Variants in LOC131768270 observed in about 807,000 individuals in gnomAD.
At chr5:140,568,325 T>G in the LOC131768270 span, 1 of 928,644 alleles carries the variant, frequency 1.1e-6, no homozygotes, top group Non-Finnish European at 1.6e-6. Context: ...GGGGTACCCC[T>G]AGGAGATGTG....
the LOC131768270 span, chr5:140,567,233 A>G: frequency 6.2e-7 from 1 of 1,614,162 alleles, no homozygotes; most frequent in Non-Finnish European, 8.5e-7. Flanking sequence ...CTGGACCCTG[A>G]TGCTACTCCT....
chr5:140,565,680 C>G, the LOC131768270 span: 1 of 374,656 alleles, frequency 2.7e-6, no homozygotes, highest in East Asian at 3.8e-5. Context: ...ATCTGTCAGT[C>G]CCTTCCTGGC....
chr5:140,565,695 A>G, the LOC131768270 span: 6 of 382,546 alleles, frequency 1.6e-5, no homozygotes, highest in Non-Finnish European at 4.6e-6. Flanking sequence ...CCTGGCCCTC[A>G]TTTGAATTCT....
At chr5:140,564,960 G>A in the LOC131768270 span, 9 of 399,504 alleles carry the variant, frequency 2.3e-5, no homozygotes, top group Non-Finnish European at 3.5e-5. This position sits in a 1 kb window ranked among gnomAD's most constrained non-coding sequence, Gnocchi z 5.0. Flanking sequence ...CAGGAGTGAG[G>A]ATGTCCCTTG....
chr5:140,568,439 A>T, the LOC131768270 span: 1 of 442,616 alleles, frequency 2.3e-6, no homozygotes, highest in Non-Finnish European at 4.3e-6. Context: ...CTGAGAAATA[A>T]CCCCATCCTT....
the LOC131768270 span, chr5:140,565,951 G>C: frequency 5.0e-6 from 2 of 398,980 alleles, no homozygotes; most frequent in Non-Finnish European, 8.8e-6. Context: ...AGAAGACGAA[G>C]TCAACAGTGG....
At chr5:140,566,838 G>A in the LOC131768270 span, 3 of 606,342 alleles carry the variant, frequency 4.9e-6, no homozygotes, top group Non-Finnish European at 8.8e-6. Flanking sequence ...TTCCCCAGCT[G>A]TCATCCATTT....
the LOC131768270 span, chr5:140,565,802 A>G: frequency 1.3e-5 from 5 of 397,688 alleles, no homozygotes. Context: ...CCCAATTCCC[A>G]GCTTCTGATG....
chr5:140,567,006 C>T, the LOC131768270 span: 9 of 1,116,936 alleles, frequency 8.1e-6, no homozygotes, highest in Middle Eastern at 2.0e-4. Context: ...GCCCCTTACT[C>T]TTCAAGCCCT....
the LOC131768270 span, chr5:140,568,242 G>A: frequency 1.3e-6 from 2 of 1,580,094 alleles, no homozygotes; most frequent in East Asian, 4.5e-5. Flanking sequence ...CAGCAGCCCT[G>A]TAACAAGTGC....
chr5:140,568,521 T>G, the LOC131768270 span: 1 of 281,770 alleles, frequency 3.5e-6, no homozygotes, highest in Non-Finnish European at 7.3e-6. Flanking sequence ...CAAGTGGCTT[T>G]CCTTGCCTAC....
At chr5:140,567,317 CCCT>C in the LOC131768270 span, 21 of 1,614,066 alleles carry the variant, frequency 1.3e-5, no homozygotes, top group African/African-American at 2.7e-5. Flanking sequence ...GCCCTTCCGG[CCCT>C]CCTCAGCCGT....
At chr5:140,565,816 T>C in the LOC131768270 span, 1 of 398,238 alleles carries the variant, frequency 2.5e-6, no homozygotes. Flanking sequence ...TCTGATGGAA[T>C]TGAGCAAGGG....
chr5:140,565,179 C>CA, the LOC131768270 span: 135 of 339,058 alleles, frequency 4.0e-4, no homozygotes, highest in Non-Finnish European at 5.8e-4. Context: ...TTCCCAGTGA[C>CA]ACGATGTTTC....
chr5:140,567,109 A>T, the LOC131768270 span: 1 of 1,612,764 alleles, frequency 6.2e-7, no homozygotes, highest in Non-Finnish European at 8.5e-7. Flanking sequence ...CCATAACTTG[A>T]TTTTCCCCAA....
At chr5:140,565,363 T>C in the LOC131768270 span, 1 of 158,458 alleles carries the variant, frequency 6.3e-6, no homozygotes, top group African/African-American at 2.4e-5. Flanking sequence ...GGGATGTCCT[T>C]GGGAAGAAAG....
chr5:140,565,777 C>T, the LOC131768270 span: 1 of 396,844 alleles, frequency 2.5e-6, no homozygotes. Context: ...GTCTTTCTGG[C>T]TCACCCCATC....
chr5:140,565,212 A>G, the LOC131768270 span: 15 of 293,116 alleles, frequency 5.1e-5, no homozygotes, highest in Admixed American at 7.7e-4. Context: ...CACTCACACC[A>G]CCCTCATTCA....
the LOC131768270 span, chr5:140,565,694 C>T: frequency 2.6e-6 from 1 of 382,558 alleles, no homozygotes; most frequent in Non-Finnish European, 4.6e-6. Flanking sequence ...TCCTGGCCCT[C>T]ATTTGAATTC....
Sources: gnomAD v4.1 joint callset for allele counts on GRCh38, gnomAD v4.1.1 for gene constraint, Gnocchi (gnomAD v3.1) non-coding constraint, MANE v1.5 for transcripts.